SLC25A21: variants seen among roughly 807,000 people sequenced by gnomAD.
SLC25A21 encodes solute carrier family 25 member 21.
SLC25A21 carries 47 observed loss-of-function variants against 43.8 expected under a neutral mutation model. That is an observed-to-expected ratio of 1.07 (90% CI 0.85 to 1.37). The LOEUF (loss-of-function observed/expected upper bound fraction) is 1.37. Among genes scored for constraint, SLC25A21 ranks in the 40% most tolerant of loss-of-function variants. The pLI is 0.00. For synonymous variants in SLC25A21, 131 were observed against 121.3 expected (o/e 1.08, Z -0.52); for missense variants, 352 against 350.2 (o/e 1.00, Z -0.04).
At chr14:37,020,727 A>G (rs1441956321) in intron 1 of SLC25A21, among the ~76,000 whole-genome samples, 2 of 151,942 alleles carry the variant, frequency 1.3e-5, no homozygotes, top group Non-Finnish European at 1.5e-5. Flanking sequence ...GACAAAATGA[A>G]TATCAGATGG....
At chr14:36,987,186 T>C (rs1340045945) in intron 1 of SLC25A21, among the ~76,000 whole-genome samples, 1 of 152,086 alleles carries the variant, frequency 6.6e-6, no homozygotes, top group Non-Finnish European at 1.5e-5. Flanking sequence ...GTTCCTTAAT[T>C]TGACACATGG....
chr14:36,880,735 G>A (rs562528118), intron 1 of SLC25A21, among the ~76,000 whole-genome samples: 3 of 152,318 alleles, frequency 2.0e-5, no homozygotes, highest in East Asian at 3.9e-4. Flanking sequence ...TAAGGACAGA[G>A]AAACATTCAT....
At chr14:36,947,454 G>A (rs1321219405) in intron 1 of SLC25A21, among the ~76,000 whole-genome samples, 1 of 152,144 alleles carries the variant, frequency 6.6e-6, no homozygotes, top group Non-Finnish European at 1.5e-5. Context: ...TCTTCAGCTG[G>A]TCTGAAATGT....
intron 1 of SLC25A21, among the ~76,000 whole-genome samples, chr14:37,116,389 T>TGGTA (rs528670552): frequency 3.2e-4 from 49 of 152,298 alleles, no homozygotes; most frequent in African/African-American, 1.1e-3. Context: ...TAAGATACAA[T>TGGTA]GGTACTACAA....
chr14:36,747,162 T>C (rs961700576), intron 3 of SLC25A21, among the ~76,000 whole-genome samples: 2 of 152,218 alleles, frequency 1.3e-5, no homozygotes, highest in Non-Finnish European at 2.9e-5. Context: ...ATTACCATAT[T>C]TAATCCAGGT....
intron 6 of SLC25A21, among the ~76,000 whole-genome samples, chr14:36,719,152 G>T (rs1030450049): frequency 6.6e-6 from 1 of 152,208 alleles, no homozygotes; most frequent in Non-Finnish European, 1.5e-5. Flanking sequence ...TGCTTCTGGG[G>T]AGAAATTCAC....
rs561088620 is a variant in SLC25A21 at position 36,955,423 on chromosome 14, T to C, written c.71-80419A>G. Among the ~76,000 whole-genome samples the C allele has an allele frequency of 5.9e-5, 9 of 152,310 alleles. No homozygotes were observed. The East Asian group carries it at 9.7e-4, about 16-fold the overall frequency. ...TGGACTGATACCAAAAGTTTTCCTATTTTTTGTTATAACTCTTTTTATTCA... is the reference window on the plus strand; with the variant it reads ...TGGACTGATACCAAAAGTTTTCCTACTTTTTGTTATAACTCTTTTTATTCA... On this transcript the variant is annotated intron_variant, in intron 1 of 9. Transcript: ENST00000331299.
At chr14:36,876,852 A>G (rs1211120360) in intron 1 of SLC25A21, among the ~76,000 whole-genome samples, 2 of 151,080 alleles carry the variant, frequency 1.3e-5, no homozygotes, top group East Asian at 3.9e-4. Flanking sequence ...TGAAATATAT[A>G]TATATGAAAT....
At chr14:36,726,189 C>G (rs1884593916) in intron 5 of SLC25A21, among the ~76,000 whole-genome samples, 1 of 152,188 alleles carries the variant, frequency 6.6e-6, no homozygotes, top group African/African-American at 2.4e-5. Flanking sequence ...AGTCACTATT[C>G]TGGACTATTA....
At chr14:36,951,361 G>T (rs1892806472) in intron 1 of SLC25A21, among the ~76,000 whole-genome samples, 1 of 151,898 alleles carries the variant, frequency 6.6e-6, no homozygotes. Context: ...TAATAAACAG[G>T]AAATGCAGGG....
Position 36,733,925 on chromosome 14 carries a change from T to A in SLC25A21, c.270+582A>T, listed in dbSNP as rs562069236. 8.5e-5 allele frequency among the ~76,000 whole-genome samples: 13 copies of A among 152,264 alleles called. No homozygotes were observed. The East Asian group carries it at 2.3e-3, about 27-fold the overall frequency. On this transcript the variant is annotated intron_variant, in intron 4 of 9. Coordinates refer to ENST00000331299, the MANE Select transcript of SLC25A21 (RefSeq NM_030631.4). ...AGTAGTACATAAACCTCTACAGTTA[T>A]GTGGTTAAGTAAATGGAAATCAGGG...
intron 1 of SLC25A21, among the ~76,000 whole-genome samples, chr14:37,009,823 C>T (rs1286867316): frequency 6.6e-6 from 1 of 152,156 alleles, no homozygotes; most frequent in African/African-American, 2.4e-5. Context: ...AGGACAGGCA[C>T]AATCAACTAT....
chr14:36,922,650 A>G (rs1049576357), intron 1 of SLC25A21, among the ~76,000 whole-genome samples: 11 of 152,086 alleles, frequency 7.2e-5, no homozygotes, highest in African/African-American at 2.2e-4. Context: ...AGCTCACTCA[A>G]TGCTGGGAGA....
intron 1 of SLC25A21, among the ~76,000 whole-genome samples, chr14:36,897,629 C>T (rs945636862): frequency 9.9e-5 from 15 of 152,122 alleles, no homozygotes; most frequent in Non-Finnish European, 1.8e-4. Flanking sequence ...TTAGAGTTTC[C>T]AGTTTTACTG....
intron 1 of SLC25A21, among the ~76,000 whole-genome samples, chr14:36,893,305 G>T (rs893350524): frequency 2.0e-5 from 3 of 152,158 alleles, no homozygotes; most frequent in Non-Finnish European, 4.4e-5. Context: ...GCCAGTGATG[G>T]TGAGCATTTT....
At chr14:37,078,114 CTTT>C (rs1962317623) in intron 1 of SLC25A21, among the ~76,000 whole-genome samples, 2 of 152,104 alleles carry the variant, frequency 1.3e-5, no homozygotes, top group South Asian at 4.1e-4. Flanking sequence ...TTATCCAGGA[CTTT>C]CTTGAAAATC....
intron 1 of SLC25A21, among the ~76,000 whole-genome samples, chr14:37,154,447 G>T (rs2138939067): frequency 7.3e-6 from 1 of 137,582 alleles, no homozygotes; most frequent in Non-Finnish European, 1.5e-5. Context: ...TAAACATAAA[G>T]ACACAGGAAA....
At chr14:36,713,455 A>G (rs1883980665) in intron 6 of SLC25A21, among the ~76,000 whole-genome samples, 1 of 152,128 alleles carries the variant, frequency 6.6e-6, no homozygotes, top group African/African-American at 2.4e-5. Flanking sequence ...CTGTGTGTGT[A>G]TAAGCAAATG....
At chr14:36,764,926 A>G (rs2139287673) in intron 3 of SLC25A21, among the ~76,000 whole-genome samples, 2 of 152,358 alleles carry the variant, frequency 1.3e-5, no homozygotes, top group Admixed American at 1.3e-4. Context: ...GTGAGCCACA[A>G]GATTACGGGC....
Sources: allele counts gnomAD v4.1 joint callset (sites outside exome capture counted in the v4.1 genomes callset), GRCh38; gene constraint gnomAD v4.1.1; transcripts MANE v1.5; gene names NCBI Gene and HGNC (gene_info 2026-07-23, HGNC 2026-07-21).